The following CHRM3 variants were observed in gnomAD, a reference collection of about 807,000 sequenced individuals.
The protein encoded by CHRM3 is muscarinic acetylcholine receptor M3.
CHRM3 carries 11 observed loss-of-function variants against 41.8 expected under a neutral mutation model. That is an observed-to-expected ratio of 0.26 (90% CI 0.17 to 0.44). The LOEUF (loss-of-function observed/expected upper bound fraction) is 0.44, where lower values mean the gene tolerates loss of function less well. Among genes scored for constraint, CHRM3 ranks in the 20% least tolerant of loss-of-function variants. The probability of loss-of-function intolerance (pLI) is 1.00; values close to 1 mark genes in which losing one functional copy is unlikely to be tolerated. For synonymous variants in CHRM3, 297 were observed against 301.4 expected (o/e 0.99, Z 0.15); for missense variants, 571 against 745.4 (o/e 0.77, Z 2.72).
chr1:239,867,115 A>G (rs1308778163), intron 6 of CHRM3, among the ~76,000 whole-genome samples: 1 of 152,228 alleles, frequency 6.6e-6, no homozygotes, highest in Non-Finnish European at 1.5e-5. Flanking sequence ...TTTAGGCCAG[A>G]GCTCAAACCC....
rs1680521954 is a variant in CHRM3 at position 239,914,181 on chromosome 1, T to A, written c.*4957T>A. Reference sequence around the variant, plus strand: ...GTTCTTTCTTGGAGTCCAAAATGCTTAGCAGTTCTGCAGTTCACATACAAA... The same window carrying A: ...GTTCTTTCTTGGAGTCCAAAATGCTAAGCAGTTCTGCAGTTCACATACAAA... On this transcript the variant is annotated 3_prime_UTR_variant, in exon 7 of 7. Transcript: ENST00000676153. 2 of 167,102 alleles carry A rather than the reference T, an allele frequency of 1.2e-5. No individual in the cohort carries two copies. Among genetic ancestry groups the A allele is most frequent in the African/African-American group, 4.8e-5 (2 of 41,462 alleles). The allele number at this position is 167,102 out of a possible 1,614,324, so 10.4% of individuals were successfully genotyped here.
At chr1:239,863,795 A>G (rs1029226473) in intron 6 of CHRM3, among the ~76,000 whole-genome samples, 3 of 152,142 alleles carry the variant, frequency 2.0e-5, no homozygotes, top group African/African-American at 4.8e-5. Flanking sequence ...CAAACATACA[A>G]TGTTATAAAA....
At chr1:239,392,181 T>C (rs1659093677) in intron 1 of CHRM3, among the ~76,000 whole-genome samples, 1 of 152,296 alleles carries the variant, frequency 6.6e-6, no homozygotes, top group East Asian at 1.9e-4. Flanking sequence ...TCAATCTCAG[T>C]GTGACAAACC....
At chr1:239,820,086 A>G (rs754081068) in intron 5 of CHRM3, among the ~76,000 whole-genome samples, 1 of 152,174 alleles carries the variant, frequency 6.6e-6, no homozygotes, top group Non-Finnish European at 1.5e-5. Flanking sequence ...AGCCCAAAAC[A>G]ACGATAGACC....
chr1:239,470,891 C>T (rs1382512368), intron 1 of CHRM3, among the ~76,000 whole-genome samples: 1 of 152,132 alleles, frequency 6.6e-6, no homozygotes, highest in East Asian at 1.9e-4. Context: ...CTCTGGTTTA[C>T]AGATGACTTG....
At chr1:239,707,528 A>C (rs1272957637) in intron 5 of CHRM3, 1 of 152,208 alleles carries the variant, frequency 6.6e-6, no homozygotes, top group African/African-American at 2.4e-5. Context: ...TTTCATGTGA[A>C]TATACCAGTG....
At chr1:239,420,345 C>T (rs969756069) in intron 1 of CHRM3, among the ~76,000 whole-genome samples, 4 of 152,164 alleles carry the variant, frequency 2.6e-5, no homozygotes, top group Non-Finnish European at 5.9e-5. Context: ...AGAGAGCGTA[C>T]GCTGAATGAA....
chr1:239,837,820 A>G (rs1673454566), intron 6 of CHRM3, among the ~76,000 whole-genome samples: 1 of 152,170 alleles, frequency 6.6e-6, no homozygotes, highest in Admixed American at 6.6e-5. Context: ...TCTCTCATCC[A>G]TTCATTCTTT....
chr1:239,790,388 C>T (rs1237008003), intron 5 of CHRM3, among the ~76,000 whole-genome samples: 1 of 152,154 alleles, frequency 6.6e-6, no homozygotes, highest in African/African-American at 2.4e-5. Flanking sequence ...ATAATTTAAT[C>T]ATGGGGGAAG....
At chr1:239,667,184 T>C (rs151264497) in intron 4 of CHRM3, among the ~76,000 whole-genome samples, 301 of 152,298 alleles carry the variant, frequency 2.0e-3, no homozygotes, top group African/African-American at 6.7e-3. Flanking sequence ...CCTTCACAGC[T>C]TATTCAGCAT....
At chr1:239,480,747 A>G (rs1252349570) in intron 1 of CHRM3, among the ~76,000 whole-genome samples, 1 of 151,796 alleles carries the variant, frequency 6.6e-6, no homozygotes, top group Admixed American at 6.6e-5. Flanking sequence ...TTTAGTAGAG[A>G]CAGAGTTTTA....
chr1:239,901,490 T>A (rs1245730702), intron 6 of CHRM3, among the ~76,000 whole-genome samples: 1 of 152,196 alleles, frequency 6.6e-6, no homozygotes, highest in East Asian at 1.9e-4. Context: ...ATTTTAATTA[T>A]ATTAATATAC....
At chr1:239,435,848 T>A (rs4659545) in intron 1 of CHRM3, among the ~76,000 whole-genome samples, 55,165 of 151,902 alleles carry the variant, frequency 0.36, 11,513 homozygotes, top group East Asian at 0.61. Context: ...TATTTATCTA[T>A]AAGGCAATGT....
chr1:239,668,089 C>CTTTTTTTTTTTTTTTTTT (rs1221135009), intron 4 of CHRM3, among the ~76,000 whole-genome samples: 7 of 75,598 alleles, frequency 9.3e-5, no homozygotes, highest in Non-Finnish European at 1.3e-4. Flanking sequence ...TTTCCCCTTT[C>CTTTTTTTTTTTTTTTTTT]TTTTTTTTTT....
At chr1:239,589,968 A>G (rs556553425) in intron 3 of CHRM3, among the ~76,000 whole-genome samples, 2 of 151,952 alleles carry the variant, frequency 1.3e-5, no homozygotes, top group African/African-American at 4.8e-5. Context: ...TTATTTAAAA[A>G]CCCACAGTTT....
intron 3 of CHRM3, among the ~76,000 whole-genome samples, chr1:239,553,731 T>A (rs1660084046): frequency 6.6e-6 from 1 of 152,230 alleles, no homozygotes; most frequent in Non-Finnish European, 1.5e-5. Flanking sequence ...ATAATTTTGC[T>A]GATTTATCTC....
intron 6 of CHRM3, among the ~76,000 whole-genome samples, chr1:239,866,727 C>T (rs1676142435): frequency 6.6e-6 from 1 of 152,296 alleles, no homozygotes; most frequent in Non-Finnish European, 1.5e-5. Flanking sequence ...TTATGAATCA[C>T]TGTGTGCAAG....
intron 1 of CHRM3, among the ~76,000 whole-genome samples, chr1:239,416,161 A>G (rs1661485180): frequency 6.6e-6 from 1 of 152,252 alleles, no homozygotes; most frequent in African/African-American, 2.4e-5. Context: ...AAGATTTTCC[A>G]GTGGTCATAG....
chr1:239,425,806 G>T (rs902741564), intron 1 of CHRM3, among the ~76,000 whole-genome samples: 1 of 152,034 alleles, frequency 6.6e-6, no homozygotes, highest in African/African-American at 2.4e-5. Flanking sequence ...ATGTAGAATT[G>T]TAAAACGCTC....
Sources: allele counts gnomAD v4.1 joint callset (sites outside exome capture counted in the v4.1 genomes callset), GRCh38; gene constraint gnomAD v4.1.1; transcripts MANE v1.5; gene names NCBI Gene and HGNC (gene_info 2026-07-23, HGNC 2026-07-21).